Variants in NPSR1 observed in about 807,000 individuals in gnomAD.
NPSR1 encodes neuropeptide S receptor 1.
Under a neutral mutation model 46.9 loss-of-function variants are expected in NPSR1, and 48 were observed. The ratio of observed to expected loss-of-function variants is 1.02; its 90% confidence interval spans 0.81 to 1.30. The LOEUF is 1.30. Ranked by LOEUF, NPSR1 falls within the 50% of genes most tolerant of loss-of-function variation. The pLI is 0.00. For synonymous variants in NPSR1, 176 were observed against 168.1 expected, an observed-to-expected ratio of 1.05 and a Z score of -0.36; for missense variants, 450 against 449.5, an observed-to-expected ratio of 1.00 and a Z score of -0.01.
At chr7:34,852,521 C>T (rs573158528), downstream of NPSR1, among the ~76,000 whole-genome samples, 2 of 152,136 alleles carry the variant, frequency 1.3e-5, no homozygotes, top group East Asian at 3.9e-4. Flanking sequence ...AGATTGTGTC[C>T]AGAGACTGAG....
chr7:34,709,266 C>T (rs1183931587), intron 2 of NPSR1, among the ~76,000 whole-genome samples: 1 of 152,132 alleles, frequency 6.6e-6, no homozygotes, highest in Non-Finnish European at 1.5e-5. Flanking sequence ...TGCAACTGTG[C>T]CCTTGCTCAG....
Position 34,785,064 on chromosome 7 carries a change from A to T in NPSR1, c.384+6499A>T, listed in dbSNP as rs1787398134. 1.3e-5 allele frequency among the ~76,000 whole-genome samples: 2 copies of T among 152,026 alleles called. 1 individual carries two copies. The highest frequency in any genetic ancestry group is 1.3e-4 in the Admixed American group (2 of 15,248). On this transcript the variant is annotated intron_variant, in intron 3 of 8. Coordinates refer to ENST00000360581, the MANE Select transcript of NPSR1 (RefSeq NM_207172.2). ...CCAAAGGACTATAAATCATGCTGCTATAAAGACACATGCACACGTATGTTT... is the reference window on the plus strand; with the variant it reads ...CCAAAGGACTATAAATCATGCTGCTTTAAAGACACATGCACACGTATGTTT...
chr7:34,868,591 C>T (rs1278681687), intron 8 of NPSR1, among the ~76,000 whole-genome samples: 1 of 151,606 alleles, frequency 6.6e-6, no homozygotes, highest in Non-Finnish European at 1.5e-5. Context: ...GGTGAACTTG[C>T]TCTCGGCAGA....
intron 3 of NPSR1, among the ~76,000 whole-genome samples, chr7:34,798,410 C>G (rs897910751): frequency 1.3e-5 from 2 of 152,092 alleles, no homozygotes; most frequent in Non-Finnish European, 2.9e-5. Flanking sequence ...TGGCACGCAC[C>G]TGTAATCCCA....
Position 34,797,244 on chromosome 7 carries a change from A to C in NPSR1, c.385-14526A>C, listed in dbSNP as rs1326060460. The stretch of plus-strand genomic sequence containing the variant: ...GGGCAGTAGAACTACTCTGTACTAT[A>C]CTATAACAGTGGACACATGTCTATA... On this transcript the variant is annotated intron_variant, in intron 3 of 8. Coordinates refer to ENST00000360581, the MANE Select transcript of NPSR1 (RefSeq NM_207172.2). 2.6e-5 allele frequency among the ~76,000 whole-genome samples: 4 copies of C among 152,230 alleles called. No homozygotes were observed. In the East Asian group the frequency reaches 7.7e-4, roughly 29 times the overall value.
intron 3 of NPSR1, 38 bp from the exon 4 acceptor site, chr7:34,811,732 C>A: frequency 6.8e-7 from 1 of 1,461,460 alleles, no homozygotes; most frequent in East Asian, 2.3e-5. Context: ...TCCCTCACCT[C>A]TCTGAAGTCA....
At chr7:34,757,646 C>A (rs747260865) in intron 2 of NPSR1, among the ~76,000 whole-genome samples, 6 of 152,204 alleles carry the variant, frequency 3.9e-5, no homozygotes, top group Non-Finnish European at 7.3e-5. Context: ...ACTGACCCCC[C>A]AGTTTCTGCC....
intron 5 of NPSR1, among the ~76,000 whole-genome samples, chr7:34,831,611 A>G (rs573464708): frequency 3.4e-4 from 52 of 152,288 alleles, no homozygotes; most frequent in Admixed American, 7.8e-4. Flanking sequence ...AGTTGAAACC[A>G]TAGTGACTGA....
chr7:34,750,653 C>T (rs1269693601), intron 2 of NPSR1: 4 of 693,446 alleles, frequency 5.8e-6, no homozygotes, highest in Non-Finnish European at 8.2e-6. Flanking sequence ...TTGTAGCTTG[C>T]CCATAACTGA....
At chr7:34,793,778 A>C in intron 3 of NPSR1, among the ~76,000 whole-genome samples, 1 of 152,198 alleles carries the variant, frequency 6.6e-6, no homozygotes, top group South Asian at 2.1e-4. Flanking sequence ...TCCTGTGTTT[A>C]TTACAGCACT....
chr7:34,804,833 C>CA (rs1185850038), intron 3 of NPSR1, among the ~76,000 whole-genome samples: 1 of 151,382 alleles, frequency 6.6e-6, no homozygotes. Context: ...ACCTAGTAGG[C>CA]AAAAAAATGG....
intron 3 of NPSR1, among the ~76,000 whole-genome samples, chr7:34,783,040 T>A (rs1478329275): frequency 1.3e-5 from 2 of 151,698 alleles, no homozygotes; most frequent in Non-Finnish European, 2.9e-5. Context: ...AGACAAAGAA[T>A]TTGTGAAGTG....
intron 1 of NPSR1, among the ~76,000 whole-genome samples, chr7:34,675,844 A>G (rs1792287380): frequency 6.6e-6 from 1 of 152,266 alleles, no homozygotes; most frequent in Non-Finnish European, 1.5e-5. Context: ...CATGTAATTG[A>G]GCTGAGAACA....
chr7:34,819,544 G>C (rs567106101), intron 4 of NPSR1, among the ~76,000 whole-genome samples: 27 of 152,306 alleles, frequency 1.8e-4, no homozygotes, highest in African/African-American at 5.3e-4. Context: ...AATACTATTT[G>C]ACCCAGCAAT....
chr7:34,769,734 A>G (rs1355082048), intron 2 of NPSR1, among the ~76,000 whole-genome samples: 1 of 152,200 alleles, frequency 6.6e-6, no homozygotes, highest in Non-Finnish European at 1.5e-5. Flanking sequence ...TTGTGCTCCA[A>G]CTGGAACCCC....
In NPSR1 at chr7:34,849,744, C is replaced by T; in HGVS notation, c.*89C>T. The T allele has an allele frequency of 1.3e-6, 2 of 1,576,628 alleles. No individual in the cohort carries two copies. Among genetic ancestry groups the T allele is most frequent in the Admixed American group, 3.6e-5 (2 of 55,282 alleles). On this transcript the variant is annotated 3_prime_UTR_variant, in exon 9 of 9. Coordinates refer to ENST00000360581, the MANE Select transcript of NPSR1 (RefSeq NM_207172.2). The stretch of plus-strand genomic sequence containing the variant: ...TTGGGCACGTGCATGGAACCCGAGC[C>T]AACTTCACCCCACCCTCGTCATTAC...
intron 2 of NPSR1, among the ~76,000 whole-genome samples, chr7:34,735,212 G>A (rs1288477275): frequency 6.6e-6 from 1 of 152,196 alleles, no homozygotes; most frequent in Non-Finnish European, 1.5e-5. Flanking sequence ...CCTCAAGAGA[G>A]TCTCTCCACT....
At chr7:34,695,045 G>A (rs1002171493) in intron 2 of NPSR1, among the ~76,000 whole-genome samples, 1 of 152,114 alleles carries the variant, frequency 6.6e-6, no homozygotes, top group African/African-American at 2.4e-5. Context: ...AAAATCCAGA[G>A]GCACCACATT....
chr7:34,750,799 A>G (rs1046508193), intron 2 of NPSR1: 10 of 693,770 alleles, frequency 1.4e-5, no homozygotes, highest in African/African-American at 1.2e-4. Flanking sequence ...GCACCTGCTC[A>G]GTTTAGGCTG....
Sources: allele counts gnomAD v4.1 joint callset (sites outside exome capture counted in the v4.1 genomes callset), GRCh38; gene constraint gnomAD v4.1.1; transcripts MANE v1.5; gene names NCBI Gene and HGNC (gene_info 2026-07-23, HGNC 2026-07-21).